The following RIC3 variants were observed in gnomAD, a reference collection of about 807,000 sequenced individuals.
The protein encoded by RIC3 is protein RIC-3.
A neutral mutation model predicts 27.3 loss-of-function variants in RIC3; 28 were observed. The observed-to-expected ratio is 1.02, with a 90% CI of 0.76 to 1.41. RIC3 has a LOEUF of 1.41. Ranked by LOEUF, RIC3 falls within the 40% of genes most tolerant of loss-of-function variation. The pLI is 0.00. For synonymous variants in RIC3, 184 were observed against 160.4 expected (o/e 1.15, Z -1.11); for missense variants, 501 against 444.7 (o/e 1.13, Z -1.14).
downstream of RIC3, chr11:8,102,054 CA>C (rs1944330976): frequency 5.5e-6 from 1 of 182,466 alleles, no homozygotes; most frequent in Non-Finnish European, 1.1e-5. Context: ...GGTAGGGGCA[CA>C]GTGAATGTGT....
At chr11:8,095,044 G>A in the RIC3 span, among the ~76,000 whole-genome samples, 13 of 152,228 alleles carry the variant, frequency 8.5e-5, no homozygotes, top group Non-Finnish European at 1.5e-4. Context: ...AGGGGCCCAC[G>A]TTTTTAATGA....
At chr11:8,142,639 T>G (rs1168462781) in intron 1 of RIC3, among the ~76,000 whole-genome samples, 1 of 144,746 alleles carries the variant, frequency 6.9e-6, no homozygotes, top group South Asian at 2.3e-4. Context: ...ACTACTCCAA[T>G]CAATAGAAAA....
At chr11:8,126,585 C>G (rs550384875) in intron 5 of RIC3, 74 bp downstream of exon 5, 3 of 1,558,888 alleles carry the variant, frequency 1.9e-6, no homozygotes, top group South Asian at 2.4e-5. Flanking sequence ...AATAATGAAG[C>G]TGATTTTTTA....
At chr11:8,113,375 T>G (rs1366807833) in intron 5 of RIC3, among the ~76,000 whole-genome samples, 1 of 152,098 alleles carries the variant, frequency 6.6e-6, no homozygotes, top group Non-Finnish European at 1.5e-5. Context: ...GCATCCCTAG[T>G]CATAATGCCT....
Position 8,168,969 on chromosome 11 carries a change from C to T in RIC3, c.21G>A (p.Gln7=), listed in dbSNP as rs763303568. The change falls in exon 1 of 6, where the codon CAG becomes CAA. Residue 7 remains glutamine (Q), a synonymous_variant. Transcript: ENST00000309737. MAYSTV[Q]RVALASGLVL... ...CAAGCCCAGAAGCCAGAGCGACTCT[C>T]TGCACTGTGGAGTACGCCATGACTG... The T allele has an allele frequency of 3.1e-6, 5 of 1,606,852 alleles. No individual in the cohort carries two copies. Among genetic ancestry groups the T allele is most frequent in the Non-Finnish European group, 4.2e-6 (5 of 1,177,074 alleles).
chr11:8,160,900 G>T (rs1278433245), intron 1 of RIC3, among the ~76,000 whole-genome samples: 1 of 152,160 alleles, frequency 6.6e-6, no homozygotes, highest in Non-Finnish European at 1.5e-5. Flanking sequence ...CCAATTCCTG[G>T]ATTAATCATC....
downstream of RIC3, chr11:8,102,953 CAG>C (rs1944367762): frequency 6.6e-6 from 1 of 152,198 alleles, no homozygotes; most frequent in African/African-American, 2.4e-5. Flanking sequence ...TCCCCCGATT[CAG>C]AGACTTAGAA....
intron 1 of RIC3, among the ~76,000 whole-genome samples, chr11:8,163,803 C>A (rs868015329): frequency 2.8e-5 from 4 of 141,610 alleles, no homozygotes; most frequent in South Asian, 4.6e-4. Context: ...ATCAAAATCC[C>A]AACTGGCATT....
At chr11:8,113,545 C>A (rs1055990050) in intron 5 of RIC3, among the ~76,000 whole-genome samples, 1 of 152,090 alleles carries the variant, frequency 6.6e-6, no homozygotes, top group African/African-American at 2.4e-5. Flanking sequence ...CAAATTGGCA[C>A]CCCAATGGCA....
intron 4 of RIC3, among the ~76,000 whole-genome samples, chr11:8,134,535 G>A (rs1948130498): frequency 6.6e-6 from 1 of 152,124 alleles, no homozygotes; most frequent in Admixed American, 6.5e-5. Flanking sequence ...TGGGTCAAAT[G>A]GTATTTCTAG....
rs559877938 is a variant in RIC3, at chr11:8,111,157, A to G, written c.671-20T>C. 15 of 1,511,774 alleles carry G rather than the reference A, an allele frequency of 9.9e-6. No individual in the cohort carries two copies. In the Admixed American group the frequency reaches 1.3e-4, roughly 13 times the overall value. The allele number at this position is 1,511,774 out of a possible 1,614,324, so 93.6% of individuals were successfully genotyped here. On this transcript the variant is annotated intron_variant, in intron 5 of 5. Coordinates refer to ENST00000309737, the MANE Select transcript of RIC3 (RefSeq NM_001206671.4). ...GGTAACCTAGAGAGAAAAGTAGCAC[A>G]AAGTATTACAAAGAATGTCTCCTCA... is the stretch of plus-strand genomic sequence containing the variant.
intron 5 of RIC3, among the ~76,000 whole-genome samples, chr11:8,112,044 C>T (rs1945327799): frequency 6.6e-6 from 1 of 152,150 alleles, no homozygotes; most frequent in Non-Finnish European, 1.5e-5. Flanking sequence ...CATTTTTTGC[C>T]TACAACTGTG....
chr11:8,116,653 T>C (rs1590088896), intron 5 of RIC3, among the ~76,000 whole-genome samples: 1 of 152,178 alleles, frequency 6.6e-6, no homozygotes, highest in Non-Finnish European at 1.5e-5. Context: ...AACAGGCATA[T>C]GAGAAAGTGC....
intron 1 of RIC3, among the ~76,000 whole-genome samples, chr11:8,165,355 T>TA (rs1046611011): frequency 3.7e-5 from 5 of 133,438 alleles, no homozygotes; most frequent in South Asian, 5.0e-4. Flanking sequence ...TATTCAGCCA[T>TA]AAAAAAAGTA....
In RIC3 at chr11:8,137,249, C is replaced by T. The variant is rs1002256839; in HGVS notation, c.521+129G>A. The T allele has an allele frequency of 1.2e-5, 9 of 726,476 alleles. No homozygotes were observed. In the African/African-American group the frequency reaches 1.4e-4, roughly 11 times the overall value. 45.0% of individuals were successfully genotyped at this position (726,476 alleles called of 1,614,324 possible). A position where few individuals can be genotyped will look rare whatever the true frequency, so the allele number is the denominator to read the frequency against. On this transcript the variant is annotated intron_variant, in intron 4 of 5. Transcript: ENST00000309737. Reference sequence around the variant, plus strand: ...ATGTTGGTCAGGATGGTCTCAAACTCCTGACCTCAGATGATCCACCCACCT... The same window carrying T: ...ATGTTGGTCAGGATGGTCTCAAACTTCTGACCTCAGATGATCCACCCACCT...
intron 5 of RIC3, among the ~76,000 whole-genome samples, chr11:8,125,786 C>A (rs919803145): frequency 6.6e-6 from 1 of 152,204 alleles, no homozygotes; most frequent in African/African-American, 2.4e-5. Context: ...CACCTATAAT[C>A]CCAGCACTTT....
downstream of RIC3, chr11:8,101,405 T>C (rs1944295869): frequency 6.4e-7 from 1 of 1,555,972 alleles, no homozygotes; most frequent in Non-Finnish European, 8.8e-7. Flanking sequence ...CCTCATGTGG[T>C]TTGGGTGTCT....
At chr11:8,096,831 A>G in the RIC3 span, 1 of 1,613,938 alleles carries the variant, frequency 6.2e-7, no homozygotes, top group Non-Finnish European at 8.5e-7. Context: ...CTGCATCCAC[A>G]GCAGTTTTTG....
downstream of RIC3, chr11:8,101,823 T>G (rs1590004198): frequency 3.6e-5 from 26 of 715,092 alleles, no homozygotes; most frequent in East Asian, 6.4e-5. Context: ...AGCGGGTGGG[T>G]GGGTGTGAAG....
Sources: gnomAD v4.1 joint callset for allele counts (sites outside exome capture counted in the v4.1 genomes callset) on GRCh38, gnomAD v4.1.1 for gene constraint, MANE v1.5 for transcripts, NCBI Gene and HGNC (gene_info 2026-07-23, HGNC 2026-07-21) for gene names.